RFX6: variants seen among roughly 807,000 people sequenced by gnomAD.
The protein encoded by RFX6 is DNA-binding protein RFX6.
A neutral mutation model predicts 110.8 loss-of-function variants in RFX6; 50 were observed. The ratio of observed to expected loss-of-function variants is 0.45; its 90% CI spans 0.36 to 0.57. RFX6 has a LOEUF of 0.57. Among genes scored for constraint, RFX6 ranks in the 20% least tolerant of loss-of-function variants. The pLI, the probability that RFX6 is intolerant of heterozygous loss-of-function variation, is 0.00. For synonymous variants in RFX6, 383 were observed against 411.2 expected (o/e 0.93, Z 0.83); for missense variants, 990 against 1,127.0 (o/e 0.88, Z 1.74).
chr6:116,921,550 A>G (rs150346996), intron 12 of RFX6, among the ~76,000 whole-genome samples: 242 of 152,310 alleles, frequency 1.6e-3, no homozygotes, highest in African/African-American at 5.5e-3. Flanking sequence ...AGATATATAC[A>G]CTTATTAAAA....
intron 1 of RFX6, 97 bp downstream of exon 1, chr6:116,877,595 C>G: frequency 9.1e-7 from 1 of 1,103,714 alleles, no homozygotes; most frequent in Non-Finnish European, 1.3e-6. Flanking sequence ...AAACATAAGG[C>G]AGATATAGAA....
intron 14 of RFX6, among the ~76,000 whole-genome samples, chr6:116,923,923 A>G (rs1448514464): frequency 6.6e-6 from 1 of 152,318 alleles, no homozygotes; most frequent in East Asian, 1.9e-4. Context: ...TCTTCACATT[A>G]TGAAAGAGAT....
At chr6:116,889,820 T>A (rs1041060280) in intron 4 of RFX6, among the ~76,000 whole-genome samples, 2 of 152,146 alleles carry the variant, frequency 1.3e-5, no homozygotes, top group Non-Finnish European at 2.9e-5. Flanking sequence ...AATCTCTTAA[T>A]TGGCAAATGT....
intron 18 of RFX6, among the ~76,000 whole-genome samples, chr6:116,929,498 T>A (rs986806000): frequency 1.3e-5 from 2 of 152,156 alleles, no homozygotes; most frequent in Admixed American, 6.5e-5. Context: ...AATGTTGCCA[T>A]TTTTATTGCT....
chr6:116,920,210 T>C (rs554364338), intron 11 of RFX6, 100 bp from the exon 12 acceptor site: 7 of 909,694 alleles, frequency 7.7e-6, no homozygotes, highest in East Asian at 2.4e-5. Context: ...TTATTTATGA[T>C]ACTTTTATCT....
chr6:116,912,349 A>T (rs1364306373), intron 7 of RFX6, among the ~76,000 whole-genome samples: 2 of 152,104 alleles, frequency 1.3e-5, no homozygotes, highest in Non-Finnish European at 2.9e-5. Flanking sequence ...GTTGGAAAAA[A>T]AAAAGTAAAA....
chr6:116,915,959 G>A (rs1370856982), intron 7 of RFX6, 49 bp from the exon 8 acceptor site: 2 of 1,190,736 alleles, frequency 1.7e-6, no homozygotes, highest in East Asian at 4.7e-5. Context: ...AACAAGAAAA[G>A]GCAGTGTTAA....
chr6:116,903,572 A>G (rs1188476620), intron 6 of RFX6, among the ~76,000 whole-genome samples: 1 of 151,990 alleles, frequency 6.6e-6, no homozygotes. Flanking sequence ...CTCCCTACTC[A>G]TCAGAAGTTA....
chr6:116,925,568 C>A lies in RFX6; in HGVS notation c.1794C>A (p.Thr598=), dbSNP rs756306464. ...AGAATGAAAGCCACGTGGAGACAAC[C>A]TATCTCCCTCTGCCATCCAGTCAAC... is the stretch of plus-strand genomic sequence containing the variant. ...AVKNESHVET[T]YLPLPSSQPG... is the part of the protein sequence containing the mutation. Residue 598 remains threonine, a synonymous_variant, in exon 16 of 19, where the codon ACC becomes ACA. Transcript: ENST00000332958. 6.2e-7 allele frequency: 1 copy of A among 1,612,896 alleles called. No homozygotes were observed. The highest frequency in any genetic ancestry group is 1.3e-5 in the African/African-American group (1 of 75,038).
chr6:116,877,710 C>G, intron 1 of RFX6, 86 bp from the exon 2 acceptor site: 1 of 1,211,610 alleles, frequency 8.3e-7, no homozygotes. Context: ...CAGTAGGCTA[C>G]TCCTTTGAAG....
chr6:116,878,576 T>G (rs961191834), intron 2 of RFX6, among the ~76,000 whole-genome samples: 1 of 151,992 alleles, frequency 6.6e-6, no homozygotes, highest in African/African-American at 2.4e-5. Context: ...ATCAGTAGGA[T>G]TTCCACATAG....
intron 6 of RFX6, among the ~76,000 whole-genome samples, chr6:116,908,695 C>G (rs200494717): frequency 1.6e-3 from 149 of 91,604 alleles, no homozygotes; most frequent in South Asian, 0.011. Flanking sequence ...CACAGACACA[C>G]ACACACACAC....
At position 116,880,580 on chromosome 6, in the gene RFX6, C is replaced by G; in HGVS notation, c.417C>G (p.Cys139Trp). 2 of 1,613,176 alleles carry G rather than the reference C, an allele frequency of 1.2e-6. No individual in the cohort carries two copies. The highest frequency in any genetic ancestry group is 1.7e-6 in the Non-Finnish European group (2 of 1,179,354). ...EENYIVCEGV[C>W]LPRCILYAHY... ...ATTACATTGTATGTGAAGGAGTTTG[C>G]TTACCACGGTGCATTCTTTATGCAC... Residue 139 changes from cysteine (C) to tryptophan (W), a missense_variant, in exon 3 of 19, where the codon TGC becomes TGG. Cys to Trp is a radical substitution (Grantham distance 215). Around this residue, in one of 5 missense-constraint regions of RFX6, gnomAD observed 243 missense variants for 353.1 expected, o/e 0.69. Coordinates refer to ENST00000332958, the MANE Select transcript of RFX6 (RefSeq NM_173560.4).
Position 116,916,529 on chromosome 6 carries a change from T to C in RFX6, c.972+215T>C, listed in dbSNP as rs1057151859. 4.5e-4 allele frequency among the ~76,000 whole-genome samples: 69 copies of C among 152,134 alleles called. 1 individual carries two copies. The highest frequency in any genetic ancestry group is 4.5e-3 in the Admixed American group (69 of 15,260). ...CATTAAGTAAAACAAACTCAATTTC[T>C]TTTTACAGCTAATAATGAGTCTATA... is the stretch of plus-strand genomic sequence containing the variant. On this transcript the variant is annotated intron_variant, in intron 9 of 18. Coordinates refer to ENST00000332958, the MANE Select transcript of RFX6 (RefSeq NM_173560.4).
chr6:116,909,269 A>C (rs935157227), intron 6 of RFX6, among the ~76,000 whole-genome samples: 5 of 152,112 alleles, frequency 3.3e-5, no homozygotes, highest in Non-Finnish European at 7.4e-5. Context: ...GAGATGAATA[A>C]ACATGACTTT....
At chr6:116,886,374 G>T (rs59093938) in intron 4 of RFX6, among the ~76,000 whole-genome samples, 3 of 152,054 alleles carry the variant, frequency 2.0e-5, no homozygotes, top group Admixed American at 1.3e-4. Context: ...GACTCAAAAG[G>T]TTCTCCTGTA....
intron 4 of RFX6, among the ~76,000 whole-genome samples, chr6:116,889,717 T>G (rs908698389): frequency 1.3e-5 from 2 of 152,112 alleles, no homozygotes; most frequent in African/African-American, 4.8e-5. Flanking sequence ...AAGGAGTTAG[T>G]AGACTTCCTT....
intron 11 of RFX6, among the ~76,000 whole-genome samples, 165 bp from the exon 12 acceptor site, chr6:116,920,145 A>G (rs1775560845): frequency 6.6e-6 from 1 of 152,184 alleles, no homozygotes; most frequent in Non-Finnish European, 1.5e-5. Flanking sequence ...CAGACTTTTA[A>G]CAGAGATGAT....
At chr6:116,883,359 T>G (rs112073786) in intron 4 of RFX6, among the ~76,000 whole-genome samples, 4,053 of 152,262 alleles carry the variant, frequency 0.027, 159 homozygotes, top group African/African-American at 0.092. Context: ...CTCTTCCCTC[T>G]TCTACCACTC....
Sources: gnomAD v4.1 joint callset for allele counts (sites outside exome capture counted in the v4.1 genomes callset) on GRCh38, gnomAD v4.1.1 for gene constraint, gnomAD v4.1.1 regional missense constraint, MANE v1.5 for transcripts, NCBI Gene and HGNC (gene_info 2026-07-23, HGNC 2026-07-21) for gene names.